CDH12: variants seen among roughly 807,000 people sequenced by gnomAD.
The protein encoded by CDH12 is cadherin 12.
A neutral mutation model predicts 74.1 loss-of-function variants in CDH12; 41 were observed. That is an observed-to-expected ratio of 0.55 (90% confidence interval 0.43 to 0.72). The LOEUF (loss-of-function observed/expected upper bound fraction) is 0.72. Among genes scored for constraint, CDH12 ranks in the 30% least tolerant of loss-of-function variants. The pLI, the probability that CDH12 is intolerant of heterozygous loss-of-function variation, is 0.00. For missense variants in CDH12, 945 were observed against 977.2 expected (o/e 0.97, Z 0.44); for synonymous variants, 399 against 355.0 (o/e 1.12, Z -1.39).
intron 2 of CDH12, among the ~76,000 whole-genome samples, chr5:22,428,326 A>G (rs568604042): frequency 3.3e-5 from 5 of 152,186 alleles, no homozygotes; most frequent in Non-Finnish European, 5.9e-5. Flanking sequence ...TTAAAAGTCT[A>G]TATTTTATCC....
intron 2 of CDH12, among the ~76,000 whole-genome samples, chr5:22,465,787 C>A (rs1433670396): frequency 6.6e-6 from 1 of 152,196 alleles, no homozygotes; most frequent in Non-Finnish European, 1.5e-5. Flanking sequence ...AAAAAGTCTG[C>A]AGATCACAAA....
intron 6 of CDH12, among the ~76,000 whole-genome samples, chr5:21,917,451 A>C (rs992959964): frequency 1.6e-4 from 25 of 152,236 alleles, no homozygotes; most frequent in African/African-American, 6.0e-4. Context: ...AAAATTAACT[A>C]ATCTTCCTTT....
chr5:22,786,852 G>A (rs1747651612), intron 1 of CDH12, among the ~76,000 whole-genome samples: 1 of 151,882 alleles, frequency 6.6e-6, no homozygotes, highest in Admixed American at 6.6e-5. Flanking sequence ...CCAAGTAGCT[G>A]GGACTACAGA....
chr5:22,051,697 C>T (rs1740380696), intron 5 of CDH12, among the ~76,000 whole-genome samples: 1 of 152,088 alleles, frequency 6.6e-6, no homozygotes, highest in Admixed American at 6.6e-5. Flanking sequence ...TGGCTGGAAT[C>T]ATTTTAAGTA....
intron 10 of CDH12, among the ~76,000 whole-genome samples, chr5:21,785,953 G>C (rs968029929): frequency 1.3e-5 from 2 of 152,100 alleles, no homozygotes; most frequent in African/African-American, 2.4e-5. Context: ...AGAAGTCAAT[G>C]CCTGGCTTCA....
intron 2 of CDH12, among the ~76,000 whole-genome samples, chr5:22,428,380 T>C (rs567785711): frequency 6.6e-6 from 1 of 152,236 alleles, no homozygotes; most frequent in Admixed American, 6.5e-5. Context: ...TACTGGAATA[T>C]ACACATGATA....
At chr5:22,377,479 A>C (rs1429180574) in intron 3 of CDH12, among the ~76,000 whole-genome samples, 3 of 152,094 alleles carry the variant, frequency 2.0e-5, no homozygotes, top group Non-Finnish European at 4.4e-5. Flanking sequence ...GTGTGTCCTC[A>C]TTTGCATCCG....
At chr5:22,423,201 C>T (rs78752603) in intron 2 of CDH12, among the ~76,000 whole-genome samples, 1 of 112,750 alleles carries the variant, frequency 8.9e-6, no homozygotes, top group African/African-American at 3.4e-5. Flanking sequence ...CAAATGTAAA[C>T]ACAGTAAAAA....
chr5:21,873,000 A>G (rs1751727138), intron 6 of CDH12, among the ~76,000 whole-genome samples: 1 of 152,116 alleles, frequency 6.6e-6, no homozygotes, highest in South Asian at 2.1e-4. Flanking sequence ...TGTGTATTAT[A>G]TATATGCATA....
chr5:22,641,519 C>T (rs576292563), intron 1 of CDH12, among the ~76,000 whole-genome samples: 6 of 152,242 alleles, frequency 3.9e-5, no homozygotes, highest in Admixed American at 2.6e-4. Context: ...CACAGGCCCA[C>T]CCAGAGCAGC....
At chr5:21,949,449 C>CAA (rs201292632) in intron 6 of CDH12, among the ~76,000 whole-genome samples, 2,132 of 83,722 alleles carry the variant, frequency 0.025, 66 homozygotes, top group African/African-American at 0.066. Context: ...GACTCTGTCT[C>CAA]AAAAAAAAAA....
intron 4 of CDH12, among the ~76,000 whole-genome samples, chr5:22,104,824 T>C (rs1427478526): frequency 6.6e-6 from 1 of 152,162 alleles, no homozygotes; most frequent in Non-Finnish European, 1.5e-5. Context: ...GAGAGATGTA[T>C]ACATTTGCTA....
At position 21,930,769 on chromosome 5, in the gene CDH12, T is replaced by A. The variant is rs549962511; in HGVS notation, c.526+44322A>T. ...AGTTGTAACATACAATTGTTGAGGT[T>A]AATGAAATAATTCATAGATCAACAA... is the stretch of plus-strand genomic sequence containing the variant. On this transcript the variant is annotated intron_variant, in intron 6 of 14. Coordinates refer to ENST00000382254, the MANE Select transcript of CDH12 (RefSeq NM_004061.5). Among the ~76,000 whole-genome samples the A allele has an allele frequency of 1.3e-3, 196 of 152,346 alleles. 1 individual carries two copies. The highest frequency in any genetic ancestry group is 2.2e-3 in the Non-Finnish European group (149 of 68,026).
In CDH12 at chr5:21,957,962, T is replaced by A. The variant is rs180818671; in HGVS notation, c.526+17129A>T. On this transcript the variant is annotated intron_variant, in intron 6 of 14. Transcript: ENST00000382254. ...GTTAGGCTTTGTGTCCCCACCCAAA[T>A]CTCATCTTGAATTATAATCTCCATA... Among the ~76,000 whole-genome samples the A allele has an allele frequency of 5.6e-4, 85 of 152,282 alleles. No individual in the cohort carries two copies. The East Asian group carries it at 0.015, about 27-fold the overall frequency.
chr5:22,210,782 G>A (rs1751484638), intron 4 of CDH12, among the ~76,000 whole-genome samples: 1 of 151,692 alleles, frequency 6.6e-6, no homozygotes. Flanking sequence ...CTAGTAGCAA[G>A]TGTGTGTCCC....
chr5:22,702,380 A>C (rs781323641), intron 1 of CDH12, among the ~76,000 whole-genome samples: 2 of 152,098 alleles, frequency 1.3e-5, no homozygotes, highest in Non-Finnish European at 2.9e-5. Flanking sequence ...ATCTCTCACC[A>C]ATCAGATTGT....
intron 2 of CDH12, among the ~76,000 whole-genome samples, chr5:22,499,800 G>A (rs138819252): frequency 4.6e-5 from 7 of 152,024 alleles, no homozygotes; most frequent in African/African-American, 1.7e-4. Context: ...AAAGTCAGAT[G>A]AAATCATTTA....
At chr5:22,682,588 A>G (rs1741553162) in intron 1 of CDH12, among the ~76,000 whole-genome samples, 1 of 152,032 alleles carries the variant, frequency 6.6e-6, no homozygotes, top group Non-Finnish European at 1.5e-5. Context: ...TATCTTTTGA[A>G]ACCATTTACA....
At chr5:22,041,254 G>A (rs986540648) in intron 5 of CDH12, among the ~76,000 whole-genome samples, 8 of 151,820 alleles carry the variant, frequency 5.3e-5, no homozygotes, top group East Asian at 3.9e-4. Context: ...AAACAAGAGC[G>A]GGGAAAAAAG....
Sources: allele counts gnomAD v4.1 joint callset (sites outside exome capture counted in the v4.1 genomes callset), GRCh38; gene constraint gnomAD v4.1.1; transcripts MANE v1.5; gene names NCBI Gene and HGNC (gene_info 2026-07-23, HGNC 2026-07-21).